Variants in COBL observed in about 807,000 individuals in gnomAD.
COBL encodes the protein cordon-bleu WH2 repeat protein.
A neutral mutation model predicts 98.8 loss-of-function variants in COBL; 51 were observed. The observed-to-expected ratio is 0.52, with a 90% CI of 0.41 to 0.65. COBL has a LOEUF of 0.65. Ranked by LOEUF, COBL falls within the 30% of genes least tolerant of loss-of-function variation. COBL has a pLI of 0.00. For missense variants in COBL, 1,617 were observed against 1,617.5 expected, an observed-to-expected ratio of 1.00 and a Z score of 0.01; for synonymous variants, 634 against 651.7, an observed-to-expected ratio of 0.97 and a Z score of 0.41.
intron 7 of COBL, among the ~76,000 whole-genome samples, chr7:51,044,712 C>T (rs552735512): frequency 6.6e-6 from 1 of 152,162 alleles, no homozygotes; most frequent in East Asian, 1.9e-4. Context: ...ACTGGATGCC[C>T]AAAGTGAATT....
At chr7:51,148,268 G>A (rs971219878) in intron 5 of COBL, among the ~76,000 whole-genome samples, 5 of 152,142 alleles carry the variant, frequency 3.3e-5, no homozygotes, top group Admixed American at 1.3e-4. Context: ...GCTACAAAGG[G>A]AAGGGGACCC....
rs532262114 is a variant in COBL at position 51,065,388 on chromosome 7, C to G, written c.1096+19778G>C. ...ACAGGGTTCTTGGCTTTGCTGTGCC[C>G]GGGGCTGTGGTATTCAGAAGCAAGC... On this transcript the variant is annotated intron_variant, in intron 7 of 12. Transcript: ENST00000265136. 3 of 703,518 alleles carry G rather than the reference C, an allele frequency of 4.3e-6. No homozygotes were observed. In the East Asian group the frequency reaches 8.0e-5, roughly 19 times the overall value. The allele number at this position is 703,518 out of a possible 1,614,324, so 43.6% of individuals were successfully genotyped here.
chr7:51,085,667 A>G (rs945165058), intron 6 of COBL, among the ~76,000 whole-genome samples: 1 of 152,198 alleles, frequency 6.6e-6, no homozygotes, highest in Non-Finnish European at 1.5e-5. Context: ...CATTAAATGT[A>G]AGGAGAACAA....
In COBL at chr7:51,028,200, T is replaced by G. The variant is rs557881375; in HGVS notation, c.2896A>C (p.Arg966=). ...GAGCTTCTGTGGATAGCAGCAGGTC[T>G]GTCCTGAGTAGACAACTTCCTGTGT... is the stretch of plus-strand genomic sequence containing the variant. ...GPHRKLSTQD[R]PAAIHRSSCF... The change falls in exon 10 of 13, where the codon AGA becomes CGA. Residue 966 remains arginine (R), a synonymous_variant. Transcript: ENST00000265136. The G allele has an allele frequency of 1.9e-5, 30 of 1,614,242 alleles. No individual in the cohort carries two copies. The South Asian group carries it at 2.9e-4, about 15-fold the overall frequency.
intron 5 of COBL, among the ~76,000 whole-genome samples, chr7:51,163,387 A>G (rs1216396616): frequency 6.6e-6 from 1 of 152,228 alleles, no homozygotes; most frequent in Non-Finnish European, 1.5e-5. Context: ...CTGTGTCTAT[A>G]TAAGGAAGAT....
At chr7:51,130,483 T>C (rs1318586554) in intron 6 of COBL, among the ~76,000 whole-genome samples, 1 of 152,196 alleles carries the variant, frequency 6.6e-6, no homozygotes, top group Non-Finnish European at 1.5e-5. Flanking sequence ...AAGATGAGTA[T>C]TGCAATGACC....
rs116093688 is a variant in COBL, at chr7:51,266,222, A to C, written c.42-46278T>G. 7.5e-3 allele frequency among the ~76,000 whole-genome samples: 1,148 copies of C among 152,338 alleles called. 14 individuals carry two copies. Among genetic ancestry groups the C allele is most frequent in the African/African-American group, 0.027 (1,115 of 41,564 alleles). On this transcript the variant is annotated intron_variant, in intron 1 of 12. Transcript: ENST00000265136. The stretch of plus-strand genomic sequence containing the variant: ...ATGGTAAAATATAGATTGAAAACTA[A>C]TTGTATTATAGGCAAAAGCTGCTGT...
chr7:51,102,389 G>A (rs1422409633), intron 6 of COBL, among the ~76,000 whole-genome samples: 1 of 152,140 alleles, frequency 6.6e-6, no homozygotes, highest in Non-Finnish European at 1.5e-5. Context: ...GGTCAGAAGT[G>A]TTTAAGGGGG....
chr7:51,247,054 G>T lies in COBL; in HGVS notation c.42-27110C>A, dbSNP rs1053169612. 2.0e-5 allele frequency among the ~76,000 whole-genome samples: 3 copies of T among 152,188 alleles called. No homozygotes were observed. The East Asian group carries it at 5.8e-4, about 29-fold the overall frequency. On this transcript the variant is annotated intron_variant, in intron 1 of 12. Coordinates refer to ENST00000265136, the MANE Select transcript of COBL (RefSeq NM_015198.5). ...CAGGACTCAGTGCCTCACAAAACCA[G>T]CGGATACCTGTGGTCATCGCGGAAT...
intron 2 of COBL, among the ~76,000 whole-genome samples, chr7:51,217,935 G>A (rs1003850184): frequency 6.6e-6 from 1 of 152,178 alleles, no homozygotes; most frequent in African/African-American, 2.4e-5. Flanking sequence ...GTGGCTTCCG[G>A]TGGACCAGGC....
intron 1 of COBL, among the ~76,000 whole-genome samples, chr7:51,312,438 A>G (rs1392855802): frequency 1.3e-5 from 2 of 152,220 alleles, no homozygotes; most frequent in Non-Finnish European, 2.9e-5. Flanking sequence ...TCCTTGATCT[A>G]AATATTAATA....
intron 5 of COBL, among the ~76,000 whole-genome samples, chr7:51,138,923 C>T (rs1410351126): frequency 1.3e-5 from 2 of 152,166 alleles, no homozygotes; most frequent in Non-Finnish European, 2.9e-5. Context: ...CGGTCCTCAC[C>T]ACAACTATGC....
intron 5 of COBL, among the ~76,000 whole-genome samples, chr7:51,178,903 C>T (rs1444177973): frequency 2.0e-5 from 3 of 152,122 alleles, no homozygotes; most frequent in Non-Finnish European, 4.4e-5. Context: ...CCTACTGTGC[C>T]CAGCCAAGTC....
intron 6 of COBL, among the ~76,000 whole-genome samples, chr7:51,135,388 C>T (rs1799137338): frequency 6.6e-6 from 1 of 152,056 alleles, no homozygotes; most frequent in African/African-American, 2.4e-5. Flanking sequence ...GTCTCTGAGA[C>T]CCAGGGATAA....
chr7:51,089,077 T>TCAGCTCGTTCCAC (rs1389597637), intron 6 of COBL, among the ~76,000 whole-genome samples: 3 of 152,308 alleles, frequency 2.0e-5, no homozygotes, highest in Middle Eastern at 3.4e-3. Flanking sequence ...TCCTTCATCA[T>TCAGCTCGTTCCAC]CAGCTCGTTC....
chr7:51,047,458 G>T (rs1789825556), intron 7 of COBL, among the ~76,000 whole-genome samples: 2 of 152,162 alleles, frequency 1.3e-5, no homozygotes, highest in Non-Finnish European at 2.9e-5. Flanking sequence ...TCTCAGTTCG[G>T]TACTAGTTTT....
At chr7:51,195,913 G>C (rs566681925) in intron 2 of COBL, among the ~76,000 whole-genome samples, 9 of 152,168 alleles carry the variant, frequency 5.9e-5, no homozygotes, top group Middle Eastern at 3.4e-3. Context: ...ACTATAGGGT[G>C]TTCTAGATAT....
chr7:51,162,215 A>C (rs745533908), intron 5 of COBL, among the ~76,000 whole-genome samples: 4 of 152,164 alleles, frequency 2.6e-5, no homozygotes, highest in Non-Finnish European at 5.9e-5. Flanking sequence ...GAAAATCAAT[A>C]CTGACCATGT....
chr7:51,142,383 ATTTT>A lies in COBL; in HGVS notation c.784-6056_784-6053del, dbSNP rs10608547. On this transcript the variant is annotated intron_variant, in intron 5 of 12. Transcript: ENST00000265136. Reference sequence around the variant, plus strand: ...ACAAAGAGTATCCAACTGGTATTTGATTTTTTTTTTTTTTTTTTTTTTTTGAGAC... The same window carrying A: ...ACAAAGAGTATCCAACTGGTATTTGATTTTTTTTTTTTTTTTTTTTGAGAC... 9.2e-3 allele frequency among the ~76,000 whole-genome samples: 658 copies of A among 71,442 alleles called. 3 individuals are homozygous for A. The highest frequency in any genetic ancestry group is 0.062 in the South Asian group (124 of 2,002). The allele number at this position is 71,442 out of a possible 152,430, so 46.9% of individuals were successfully genotyped here. A position where few individuals can be genotyped will look rare whatever the true frequency, so the allele number is the denominator to read the frequency against.
Sources: allele counts gnomAD v4.1 joint callset (sites outside exome capture counted in the v4.1 genomes callset), GRCh38; gene constraint gnomAD v4.1.1; transcripts MANE v1.5; gene names NCBI Gene and HGNC (gene_info 2026-07-23, HGNC 2026-07-21).